The following SV2C variants were observed in gnomAD, a reference collection of about 807,000 sequenced individuals.
SV2C encodes the protein solute carrier family 22 member B3.
Under a neutral mutation model 79.7 loss-of-function variants are expected in SV2C, and 49 were observed. The observed-to-expected ratio is 0.61, with a 90% CI of 0.49 to 0.78. SV2C has a LOEUF of 0.78. Ranked by LOEUF, SV2C falls within the 30% of genes least tolerant of loss-of-function variation. The pLI, the probability that SV2C is intolerant of heterozygous loss-of-function variation, is 0.00. For synonymous variants in SV2C, 334 were observed against 333.2 expected, an observed-to-expected ratio of 1.00 and a Z score of -0.03; for missense variants, 833 against 912.9, an observed-to-expected ratio of 0.91 and a Z score of 1.13.
At chr5:76,293,309 G>GGAA (rs550542140) in intron 8 of SV2C, among the ~76,000 whole-genome samples, 377 of 152,268 alleles carry the variant, frequency 2.5e-3, no homozygotes, top group African/African-American at 7.7e-3. Flanking sequence ...TAAGCAAGAA[G>GGAA]GAAGTCCTGC....
At chr5:75,998,018 AG>A in the SV2C span, among the ~76,000 whole-genome samples, 2 of 152,184 alleles carry the variant, frequency 1.3e-5, no homozygotes, top group African/African-American at 4.8e-5. Context: ...GCCATAAAAA[AG>A]GATGAGTTCA....
chr5:76,238,759 G>A (rs1745694789), intron 4 of SV2C, among the ~76,000 whole-genome samples: 1 of 152,158 alleles, frequency 6.6e-6, no homozygotes, highest in African/African-American at 2.4e-5. Context: ...GGAGGAGTAA[G>A]CCTGACTCCT....
the SV2C span, among the ~76,000 whole-genome samples, chr5:76,077,118 C>T: frequency 3.9e-5 from 6 of 152,070 alleles, no homozygotes; most frequent in Non-Finnish European, 5.9e-5. Flanking sequence ...GCTAACATCA[C>T]AAAAGTGACA....
chr5:76,248,425 C>T (rs1170476428), intron 4 of SV2C, among the ~76,000 whole-genome samples: 1 of 152,140 alleles, frequency 6.6e-6, no homozygotes, highest in South Asian at 2.1e-4. Flanking sequence ...CTTATAAGGA[C>T]ACCAGTCGTA....
chr5:76,045,362 G>C, the SV2C span, among the ~76,000 whole-genome samples: 2 of 152,112 alleles, frequency 1.3e-5, no homozygotes, highest in African/African-American at 4.8e-5. Context: ...CTCTAGCTTT[G>C]TTCTTTTTGC....
chr5:75,849,324 G>C, the SV2C span, among the ~76,000 whole-genome samples: 1 of 152,164 alleles, frequency 6.6e-6, no homozygotes, highest in Non-Finnish European at 1.5e-5. Context: ...AGTAGGTTTT[G>C]ATCAGAGTGA....
At chr5:75,905,367 G>A in the SV2C span, among the ~76,000 whole-genome samples, 1 of 152,142 alleles carries the variant, frequency 6.6e-6, no homozygotes, top group Non-Finnish European at 1.5e-5. Context: ...CTTAGCTTCT[G>A]GGTCAAAGCA....
intron 4 of SV2C, among the ~76,000 whole-genome samples, chr5:76,272,966 C>T (rs773294436): frequency 5.3e-5 from 8 of 151,876 alleles, no homozygotes; most frequent in Middle Eastern, 3.4e-3. Flanking sequence ...GAGAAGGAAA[C>T]TTAATGTGTG....
chr5:76,181,705 C>G (rs1743738476), intron 2 of SV2C, among the ~76,000 whole-genome samples: 2 of 152,090 alleles, frequency 1.3e-5, no homozygotes, highest in African/African-American at 4.8e-5. Context: ...AGAAACCACC[C>G]CCATGATCAA....
intron 2 of SV2C, among the ~76,000 whole-genome samples, chr5:76,139,256 G>A (rs1749172685): frequency 6.6e-6 from 1 of 152,132 alleles, no homozygotes; most frequent in Non-Finnish European, 1.5e-5. Flanking sequence ...TAAAGATTTA[G>A]CCTATCTATC....
chr5:75,997,650 T>C, the SV2C span, among the ~76,000 whole-genome samples: 1 of 152,172 alleles, frequency 6.6e-6, no homozygotes, highest in Non-Finnish European at 1.5e-5. Flanking sequence ...GATACCATCT[T>C]ACACCAGTTA....
At chr5:75,989,039 T>G in the SV2C span, among the ~76,000 whole-genome samples, 1 of 152,016 alleles carries the variant, frequency 6.6e-6, no homozygotes, top group African/African-American at 2.4e-5. Flanking sequence ...CTTTCTTAAA[T>G]ATACTACATA....
At chr5:76,148,708 C>A (rs1244986326) in intron 2 of SV2C, among the ~76,000 whole-genome samples, 1 of 152,196 alleles carries the variant, frequency 6.6e-6, no homozygotes, top group Non-Finnish European at 1.5e-5. Context: ...CCTACCTTGG[C>A]TTCTCAAGTG....
chr5:76,141,493 A>G (rs1749248193), intron 2 of SV2C, among the ~76,000 whole-genome samples: 1 of 152,244 alleles, frequency 6.6e-6, no homozygotes, highest in South Asian at 2.1e-4. Flanking sequence ...GATGTATTTC[A>G]GGTTGGAGAA....
At chr5:76,350,662 A>C (rs1446345468) in intron 12 of SV2C, among the ~76,000 whole-genome samples, 3 of 152,238 alleles carry the variant, frequency 2.0e-5, no homozygotes, top group African/African-American at 7.2e-5. Context: ...TCCTTTCCTC[A>C]AGGAGCCTAC....
intron 1 of SV2C, among the ~76,000 whole-genome samples, chr5:76,127,723 G>A (rs1748756203): frequency 6.6e-6 from 1 of 152,140 alleles, no homozygotes; most frequent in Non-Finnish European, 1.5e-5. Context: ...GCCTTTTGGT[G>A]CGGAGAACAG....
At chr5:76,034,398 C>T in the SV2C span, among the ~76,000 whole-genome samples, 1 of 152,116 alleles carries the variant, frequency 6.6e-6, no homozygotes, top group Non-Finnish European at 1.5e-5. Flanking sequence ...TCATAGATAG[C>T]TCTTATTATT....
the SV2C span, among the ~76,000 whole-genome samples, chr5:75,895,449 G>T: frequency 6.6e-6 from 1 of 152,098 alleles, no homozygotes; most frequent in Non-Finnish European, 1.5e-5. Context: ...TCACCAAATA[G>T]AGAATATCAG....
At chr5:76,134,224 A>C (rs1023067784) in intron 2 of SV2C, among the ~76,000 whole-genome samples, 1 of 152,184 alleles carries the variant, frequency 6.6e-6, no homozygotes, top group Non-Finnish European at 1.5e-5. Flanking sequence ...TTAGTGAATT[A>C]AAAATATGTC....
Sources: allele counts gnomAD v4.1 joint callset (sites outside exome capture counted in the v4.1 genomes callset), GRCh38; gene constraint gnomAD v4.1.1; transcripts MANE v1.5; gene names NCBI Gene and HGNC (gene_info 2026-07-23, HGNC 2026-07-21).